Variants in TBC1D4 observed in about 807,000 individuals in gnomAD.
The protein encoded by TBC1D4 is TBC (Tre-2, BUB2, CDC16) domain-containing protein.
TBC1D4 carries 121 observed loss-of-function variants against 142.5 expected under a neutral mutation model. The observed-to-expected ratio is 0.85, with a 90% CI of 0.73 to 0.99. The LOEUF (loss-of-function observed/expected upper bound fraction) is 0.99. Ranked by LOEUF, TBC1D4 falls within the 50% of genes least tolerant of loss-of-function variation. The pLI, the probability that TBC1D4 is intolerant of heterozygous loss-of-function variation, is 0.00. For synonymous variants in TBC1D4, 630 were observed against 628.2 expected, an observed-to-expected ratio of 1.00 and a Z score of -0.04; for missense variants, 1,475 against 1,606.6, an observed-to-expected ratio of 0.92 and a Z score of 1.40.
chr13:75,371,240 G>A (rs1040109614), intron 1 of TBC1D4, among the ~76,000 whole-genome samples: 8 of 152,176 alleles, frequency 5.3e-5, no homozygotes, highest in Admixed American at 2.6e-4. Flanking sequence ...AGAAACAAGT[G>A]AGTCAAGACA....
chr13:75,353,374 C>T (rs552689), intron 4 of TBC1D4, among the ~76,000 whole-genome samples: 6,798 of 152,262 alleles, frequency 0.045, 506 homozygotes, highest in African/African-American at 0.15. Context: ...AAATGATTGC[C>T]TGAAGTTCAG....
intron 1 of TBC1D4, among the ~76,000 whole-genome samples, chr13:75,454,023 CTA>C (rs1487711308): frequency 9.2e-6 from 1 of 108,354 alleles, no homozygotes; most frequent in Non-Finnish European, 1.8e-5. Flanking sequence ...TAATAAATCT[CTA>C]TTTTTTTTTT....
intron 1 of TBC1D4, among the ~76,000 whole-genome samples, chr13:75,420,584 A>C (rs148586528): frequency 1.3e-5 from 2 of 152,350 alleles, no homozygotes; most frequent in African/African-American, 4.8e-5. Flanking sequence ...TGGAATGCAG[A>C]TATTTCTACT....
intron 1 of TBC1D4, among the ~76,000 whole-genome samples, chr13:75,417,505 A>T (rs563370311): frequency 9.9e-5 from 15 of 152,268 alleles, no homozygotes; most frequent in African/African-American, 3.4e-4. Flanking sequence ...AATGAAAAAA[A>T]AATTGCCTGG....
chr13:75,446,986 T>C (rs1399306790), intron 1 of TBC1D4, among the ~76,000 whole-genome samples: 1 of 152,028 alleles, frequency 6.6e-6, no homozygotes, highest in Admixed American at 6.6e-5. Context: ...TGTTTTGCAG[T>C]TAAGGGTGGA....
intron 1 of TBC1D4, among the ~76,000 whole-genome samples, chr13:75,412,616 T>C (rs957566708): frequency 1.3e-5 from 2 of 152,106 alleles, no homozygotes; most frequent in Non-Finnish European, 2.9e-5. Context: ...AAATACCTTT[T>C]TACCGTCACC....
chr13:75,388,646 G>A (rs143897613), intron 1 of TBC1D4, among the ~76,000 whole-genome samples: 117 of 152,252 alleles, frequency 7.7e-4, no homozygotes, highest in African/African-American at 2.6e-3. Flanking sequence ...CACCATCAGT[G>A]CAAATGTCAA....
intron 1 of TBC1D4, among the ~76,000 whole-genome samples, chr13:75,391,484 A>C (rs1294281980): frequency 6.6e-6 from 1 of 152,178 alleles, no homozygotes; most frequent in Admixed American, 6.5e-5. Context: ...TATTAGACCC[A>C]TGGAGTACAT....
At position 75,284,080 on chromosome 13, in the gene TBC1D4, A is replaced by G. The variant is rs1874483043; in HGVS notation, c.*2712T>C. Among the ~76,000 whole-genome samples, 3 of 151,982 alleles carry G rather than the reference A, an allele frequency of 2.0e-5. No homozygotes were observed. The South Asian group carries it at 6.2e-4, about 32-fold the overall frequency. On this transcript the variant is annotated 3_prime_UTR_variant, in exon 21 of 21. Coordinates refer to ENST00000377636, the MANE Select transcript of TBC1D4 (RefSeq NM_014832.5). ...CCTGAGTAGCTGAGATTACAGATGC[A>G]CACCACCACGCCTGGCTAATTTTTG...
chr13:75,442,577 G>A (rs917588506), intron 1 of TBC1D4, among the ~76,000 whole-genome samples: 5 of 151,776 alleles, frequency 3.3e-5, no homozygotes, highest in African/African-American at 4.8e-5. Context: ...TCAAGAGATC[G>A]AGACCATCTT....
chr13:75,392,386 C>T (rs1884535548), intron 1 of TBC1D4, among the ~76,000 whole-genome samples: 1 of 152,110 alleles, frequency 6.6e-6, no homozygotes, highest in South Asian at 2.1e-4. Context: ...TTCATTTATT[C>T]TCTAGTCATC....
At chr13:75,452,129 T>C (rs1012375279) in intron 1 of TBC1D4, among the ~76,000 whole-genome samples, 1 of 152,204 alleles carries the variant, frequency 6.6e-6, no homozygotes, top group African/African-American at 2.4e-5. Flanking sequence ...ATTTTTAAAG[T>C]ACATCTTCAT....
At chr13:75,476,364 A>G (rs1279933358) in intron 1 of TBC1D4, among the ~76,000 whole-genome samples, 1 of 152,204 alleles carries the variant, frequency 6.6e-6, no homozygotes, top group African/African-American at 2.4e-5. Flanking sequence ...CTGTGATCTC[A>G]TGAAATCAGG....
intron 13 of TBC1D4, among the ~76,000 whole-genome samples, chr13:75,312,273 C>G (rs547291270): frequency 6.6e-6 from 1 of 151,714 alleles, no homozygotes; most frequent in Non-Finnish European, 1.5e-5. Context: ...TTATAAAAGG[C>G]TATGTTGCTT....
At chr13:75,325,621 T>C (rs1289461007) in intron 10 of TBC1D4, among the ~76,000 whole-genome samples, 1 of 152,200 alleles carries the variant, frequency 6.6e-6, no homozygotes, top group African/African-American at 2.4e-5. Context: ...TTAAATACTG[T>C]GTAAGATCTT....
intron 1 of TBC1D4, among the ~76,000 whole-genome samples, chr13:75,433,895 C>A (rs573852411): frequency 7.9e-5 from 12 of 152,176 alleles, no homozygotes; most frequent in Admixed American, 5.9e-4. Flanking sequence ...ATGTGGCCAA[C>A]AAGCATATGA....
intron 3 of TBC1D4, among the ~76,000 whole-genome samples, 192 bp downstream of exon 3, chr13:75,359,577 C>T (rs759640799): frequency 6.6e-6 from 1 of 152,190 alleles, no homozygotes; most frequent in Non-Finnish European, 1.5e-5. Flanking sequence ...TACCAAGGGA[C>T]CTGGGCAGGA....
chr13:75,424,190 T>A (rs1236159943), intron 1 of TBC1D4, among the ~76,000 whole-genome samples: 2 of 151,612 alleles, frequency 1.3e-5, no homozygotes, highest in Non-Finnish European at 2.9e-5. Flanking sequence ...GGAAGATCCC[T>A]TGAGCCCAGG....
intron 1 of TBC1D4, among the ~76,000 whole-genome samples, chr13:75,372,935 C>A (rs5021641): frequency 0.28 from 41,866 of 151,982 alleles, 6,604 homozygotes; most frequent in African/African-American, 0.43. Flanking sequence ...AGGAAACATA[C>A]GTCTTGGTCC....
Sources: gnomAD v4.1 joint callset for allele counts (sites outside exome capture counted in the v4.1 genomes callset) on GRCh38, gnomAD v4.1.1 for gene constraint, MANE v1.5 for transcripts, NCBI Gene and HGNC (gene_info 2026-07-23, HGNC 2026-07-21) for gene names.